ADAMTSL1: variants seen among roughly 807,000 people sequenced by gnomAD.
ADAMTSL1 encodes the protein ADAMTS-like protein 1.
In ADAMTSL1, 126 loss-of-function variants were observed where a neutral mutation model predicts 201.8. The ratio of observed to expected loss-of-function variants is 0.62; its 90% confidence interval spans 0.54 to 0.72. The LOEUF (loss-of-function observed/expected upper bound fraction) is 0.72, where lower values mean the gene tolerates loss of function less well. Among genes scored for constraint, ADAMTSL1 ranks in the 30% least tolerant of loss-of-function variants. The pLI is 0.00. For missense variants in ADAMTSL1, 2,679 were observed against 2,277.8 expected (o/e 1.18, Z -3.59); for synonymous variants, 1,121 against 903.4 (o/e 1.24, Z -4.32).
chr9:18,565,326 G>T (rs1821811067), intron 3 of ADAMTSL1, among the ~76,000 whole-genome samples: 1 of 152,094 alleles, frequency 6.6e-6, no homozygotes, highest in African/African-American at 2.4e-5. Context: ...GAGTTATAAA[G>T]GTATAATTTC....
intron 2 of ADAMTSL1, among the ~76,000 whole-genome samples, chr9:18,524,915 G>A (rs1446212519): frequency 3.3e-5 from 5 of 152,140 alleles, no homozygotes; most frequent in Admixed American, 6.5e-5. Flanking sequence ...TTTTTGTTGT[G>A]TCTGTGCCAG....
In ADAMTSL1 at chr9:18,330,847, G is replaced by A. The variant is rs1350114415; in HGVS notation, c.207+166866G>A. On this transcript the variant is annotated intron_variant, in intron 2 of 29. Transcript: ENST00000680146. ...TTTGTAAAAGCAAATGCATAAAACT[G>A]CTGATTAACTGTTATTTACTGAGCA... Among the ~76,000 whole-genome samples the A allele has an allele frequency of 1.3e-5, 2 of 152,146 alleles. 1 individual carries two copies. Among genetic ancestry groups the A allele is most frequent in the African/African-American group, 4.8e-5 (2 of 41,434 alleles).
At chr9:18,860,796 ACT>A (rs1827167302) in intron 23 of ADAMTSL1, among the ~76,000 whole-genome samples, 1 of 151,912 alleles carries the variant, frequency 6.6e-6, no homozygotes, top group Non-Finnish European at 1.5e-5. Context: ...CTAAGAGCAA[ACT>A]CTAATGAAAT....
At chr9:17,967,029 G>A (rs1375577875) in intron 1 of ADAMTSL1, among the ~76,000 whole-genome samples, 1 of 152,150 alleles carries the variant, frequency 6.6e-6, no homozygotes, top group Non-Finnish European at 1.5e-5. Context: ...AATTCAGGTT[G>A]ACTGAAATCA....
rs1821117291 is a variant in ADAMTSL1 at position 18,777,483 on chromosome 9, T to A, written c.3254T>A (p.Leu1085His). The change falls in exon 19 of 29, where the codon CTC becomes CAC. Residue 1085 changes from leucine to histidine, a missense_variant. Transcript: ENST00000380548. ...CGCCTGGACGACATCCTGGGGAACCTCTCCCAGCAGCCCGAGGAGCTGCGC... is the reference window on the plus strand; with the variant it reads ...CGCCTGGACGACATCCTGGGGAACCACTCCCAGCAGCCCGAGGAGCTGCGC... ...QRRLDDILGN[L>H]SQQPEELRDL... 1 of 1,593,802 alleles carries A rather than the reference T, an allele frequency of 6.3e-7. No homozygotes were observed. Among genetic ancestry groups the A allele is most frequent in the Non-Finnish European group, 8.5e-7 (1 of 1,170,568 alleles).
At chr9:18,408,461 A>T (rs1293427349) in intron 2 of ADAMTSL1, among the ~76,000 whole-genome samples, 1 of 151,940 alleles carries the variant, frequency 6.6e-6, no homozygotes, top group Non-Finnish European at 1.5e-5. Flanking sequence ...ATAGAGTGAG[A>T]CACTCTCCGC....
chr9:18,468,206 G>A (rs574925963), intron 2 of ADAMTSL1, among the ~76,000 whole-genome samples: 1 of 152,260 alleles, frequency 6.6e-6, no homozygotes, highest in East Asian at 1.9e-4. Flanking sequence ...TCTGAGATCT[G>A]TGCCATAACT....
intron 2 of ADAMTSL1, among the ~76,000 whole-genome samples, chr9:18,298,878 G>A (rs990951577): frequency 2.0e-5 from 3 of 151,944 alleles, no homozygotes; most frequent in Admixed American, 6.5e-5. Context: ...GGTCGTGGTG[G>A]CGGGCGCCTG....
intron 3 of ADAMTSL1, among the ~76,000 whole-genome samples, chr9:18,570,614 A>G (rs1039456225): frequency 6.6e-6 from 1 of 152,226 alleles, no homozygotes; most frequent in Non-Finnish European, 1.5e-5. Flanking sequence ...TTTGATGTCC[A>G]AGAAGCTTTC....
chr9:18,154,886 C>A (rs1827082087), intron 1 of ADAMTSL1, among the ~76,000 whole-genome samples: 1 of 151,934 alleles, frequency 6.6e-6, no homozygotes, highest in Non-Finnish European at 1.5e-5. Flanking sequence ...ATTTGAAATT[C>A]TTTAAGTTAC....
Position 18,356,239 on chromosome 9 carries a change from T to C in ADAMTSL1, c.208-148590T>C, listed in dbSNP as rs568580934. ...CCAGAATAGGGGAAGGGCAGGCAAA[T>C]GGGAGCAGAAGTTCACAGTTTGGCT... On this transcript the variant is annotated intron_variant, in intron 2 of 29. Transcript: ENST00000680146. 4.5e-4 allele frequency among the ~76,000 whole-genome samples: 68 copies of C among 152,098 alleles called. No homozygotes were observed. In the South Asian group the frequency reaches 0.013, roughly 28 times the overall value.
At chr9:18,329,071 G>A (rs925857859) in intron 2 of ADAMTSL1, among the ~76,000 whole-genome samples, 1 of 152,100 alleles carries the variant, frequency 6.6e-6, no homozygotes, top group Non-Finnish European at 1.5e-5. Flanking sequence ...TTGGAGGTGG[G>A]GCCTTTGGGG....
Position 18,910,228 on chromosome 9 carries a change from G to A in ADAMTSL1, c.*1680G>A, listed in dbSNP as rs542003100. 6.6e-6 allele frequency: 1 copy of A among 152,120 alleles called. No homozygotes were observed. Among genetic ancestry groups the A allele is most frequent in the African/African-American group, 2.4e-5 (1 of 41,500 alleles). The allele number at this position is 152,120 out of a possible 1,614,324, so 9.4% of individuals were successfully genotyped here. ...TCCTTCTTCTTCACCACAAAAACAG[G>A]CTCTAAGAAATCATGTTACTAAAAA... On this transcript the variant is annotated 3_prime_UTR_variant, in exon 29 of 29. Transcript: ENST00000380548.
At chr9:18,304,193 C>T (rs1207244072) in intron 2 of ADAMTSL1, among the ~76,000 whole-genome samples, 1 of 151,758 alleles carries the variant, frequency 6.6e-6, no homozygotes, top group Non-Finnish European at 1.5e-5. Flanking sequence ...CTCATTCTCA[C>T]ATAGAACCCA....
At chr9:18,038,576 G>C (rs531175025) in intron 1 of ADAMTSL1, among the ~76,000 whole-genome samples, 3 of 152,250 alleles carry the variant, frequency 2.0e-5, no homozygotes, top group African/African-American at 7.2e-5. Flanking sequence ...TTGCCTAAAG[G>C]ATTTCAAAGG....
intron 1 of ADAMTSL1, among the ~76,000 whole-genome samples, chr9:18,002,482 A>T (rs1454927760): frequency 6.6e-6 from 1 of 152,022 alleles, no homozygotes. Context: ...ATGCTTAGTA[A>T]GTTCTTAATA....
At chr9:18,703,025 G>C (rs558799260) in intron 13 of ADAMTSL1, among the ~76,000 whole-genome samples, 1 of 152,218 alleles carries the variant, frequency 6.6e-6, no homozygotes, top group Admixed American at 6.5e-5. Flanking sequence ...GCCTCCCAAA[G>C]TGCTGGGATC....
intron 26 of ADAMTSL1, among the ~76,000 whole-genome samples, chr9:18,904,541 G>A (rs774889490): frequency 3.4e-4 from 51 of 149,494 alleles, no homozygotes; most frequent in Admixed American, 2.4e-3. Context: ...GGCTGAGGTC[G>A]GGGGATCAAT....
intron 22 of ADAMTSL1, among the ~76,000 whole-genome samples, chr9:18,827,582 G>A (rs1353650813): frequency 6.6e-6 from 1 of 152,166 alleles, no homozygotes; most frequent in Non-Finnish European, 1.5e-5. Context: ...CTAGTCTGGA[G>A]CCCAGAGACC....
Sources: allele counts gnomAD v4.1 joint callset (sites outside exome capture counted in the v4.1 genomes callset), GRCh38; gene constraint gnomAD v4.1.1; transcripts MANE v1.5; gene names NCBI Gene and HGNC (gene_info 2026-07-23, HGNC 2026-07-21).